The following PDE3A variants were observed in gnomAD, a reference collection of about 807,000 sequenced individuals.
The protein encoded by PDE3A is cGMP-inhibited 3',5'-cyclic phosphodiesterase 3A.
A neutral mutation model predicts 98.3 loss-of-function variants in PDE3A; 43 were observed. The observed-to-expected ratio is 0.44, with a 90% CI of 0.34 to 0.56. The LOEUF (loss-of-function observed/expected upper bound fraction) is 0.56. Among genes scored for constraint, PDE3A ranks in the 20% least tolerant of loss-of-function variants. The probability of loss-of-function intolerance (pLI) is 0.01; values close to 1 mark genes in which losing one functional copy is unlikely to be tolerated. For missense variants in PDE3A, 1,427 were observed against 1,440.7 expected (o/e 0.99, Z 0.15); for synonymous variants, 663 against 567.9 (o/e 1.17, Z -2.38).
At chr12:20,647,508 A>G (rs1944804570) in intron 12 of PDE3A, among the ~76,000 whole-genome samples, 1 of 152,130 alleles carries the variant, frequency 6.6e-6, no homozygotes, top group Non-Finnish European at 1.5e-5. Flanking sequence ...TCTAAGTAAA[A>G]AATTCATCAC....
intron 1 of PDE3A, among the ~76,000 whole-genome samples, chr12:20,430,549 TG>T (rs1944678453): frequency 6.6e-6 from 1 of 152,172 alleles, no homozygotes. Context: ...TTAATTGTTT[TG>T]GGGGCAGGGT....
At chr12:20,655,998 T>C (rs925868459) in intron 15 of PDE3A, among the ~76,000 whole-genome samples, 38 of 152,226 alleles carry the variant, frequency 2.5e-4, no homozygotes, top group Non-Finnish European at 3.2e-4. Flanking sequence ...GAAATCATTT[T>C]TATTTATGCC....
chr12:20,644,872 C>T (rs1944737564), intron 10 of PDE3A, among the ~76,000 whole-genome samples: 1 of 140,686 alleles, frequency 7.1e-6, no homozygotes, highest in African/African-American at 2.7e-5. Context: ...CCCTCTTCCC[C>T]CTCTTCCTCT....
chr12:20,443,264 A>G lies in PDE3A; in HGVS notation c.960+73020A>G, dbSNP rs1944899680. ...TAAATGTTTAGTGAGAGGAAATCTT[A>G]CTCTGTCCTATCTATGGATATTGAT... is the stretch of plus-strand genomic sequence containing the variant. On this transcript the variant is annotated intron_variant, in intron 1 of 15. Coordinates refer to ENST00000359062, the MANE Select transcript of PDE3A (RefSeq NM_000921.5). 3.3e-5 allele frequency among the ~76,000 whole-genome samples: 5 copies of G among 152,098 alleles called. 1 individual carries two copies. Among genetic ancestry groups the G allele is most frequent in the Admixed American group, 2.0e-4 (3 of 15,266 alleles).
At chr12:20,464,116 T>C (rs1945300193) in intron 1 of PDE3A, among the ~76,000 whole-genome samples, 1 of 152,172 alleles carries the variant, frequency 6.6e-6, no homozygotes, top group African/African-American at 2.4e-5. Flanking sequence ...ATTCTGCACT[T>C]GCCACTAGAT....
At chr12:20,675,849 A>G (rs1043570527) in intron 15 of PDE3A, among the ~76,000 whole-genome samples, 44 of 152,018 alleles carry the variant, frequency 2.9e-4, no homozygotes, top group Admixed American at 2.6e-3. Context: ...TGTCTTTTCT[A>G]TCTTTTACTT....
chr12:20,443,765 T>C (rs1306757098), intron 1 of PDE3A, among the ~76,000 whole-genome samples: 1 of 152,174 alleles, frequency 6.6e-6, no homozygotes, highest in Admixed American at 6.5e-5. Flanking sequence ...AAAAGAGAAA[T>C]AGGTATTATT....
chr12:20,454,436 C>T (rs557537686), intron 1 of PDE3A, among the ~76,000 whole-genome samples: 6 of 152,148 alleles, frequency 3.9e-5, no homozygotes, highest in South Asian at 4.1e-4. Flanking sequence ...TTAACTAGAA[C>T]GTAAGCTCAG....
intron 1 of PDE3A, among the ~76,000 whole-genome samples, chr12:20,428,552 A>G (rs1944640780): frequency 6.6e-6 from 1 of 152,232 alleles, no homozygotes; most frequent in Admixed American, 6.5e-5. Flanking sequence ...AAGTGCTGGG[A>G]TTACAGGAAT....
chr12:20,440,663 G>A (rs951034926), intron 1 of PDE3A, among the ~76,000 whole-genome samples: 1 of 152,128 alleles, frequency 6.6e-6, no homozygotes, highest in African/African-American at 2.4e-5. Flanking sequence ...ACTTGGTGGT[G>A]GAGTCTGAGG....
intron 1 of PDE3A, among the ~76,000 whole-genome samples, chr12:20,413,185 G>A (rs1260426735): frequency 6.6e-5 from 10 of 152,176 alleles, no homozygotes; most frequent in African/African-American, 2.2e-4. Context: ...TATGGGACCA[G>A]TGAAAACCTT....
At chr12:20,615,101 A>C (rs540163225) in intron 3 of PDE3A, among the ~76,000 whole-genome samples, 1 of 125,804 alleles carries the variant, frequency 7.9e-6, no homozygotes, top group Non-Finnish European at 1.5e-5. Flanking sequence ...CGCTCACTGC[A>C]TGTTGGCCAG....
At chr12:20,616,618 A>C (rs542109671) in intron 4 of PDE3A, among the ~76,000 whole-genome samples, 64 of 152,164 alleles carry the variant, frequency 4.2e-4, no homozygotes, top group African/African-American at 1.5e-3. Context: ...ACTTGATGTG[A>C]TCTCTGCCAT....
At chr12:20,509,477 A>G (rs1007813736) in intron 1 of PDE3A, among the ~76,000 whole-genome samples, 1 of 152,012 alleles carries the variant, frequency 6.6e-6, no homozygotes, top group Non-Finnish European at 1.5e-5. Flanking sequence ...TTGTCCAGTG[A>G]GATCTATTTA....
At chr12:20,376,351 G>T (rs1003282840) in intron 1 of PDE3A, among the ~76,000 whole-genome samples, 4 of 151,904 alleles carry the variant, frequency 2.6e-5, no homozygotes, top group African/African-American at 9.7e-5. Context: ...GGAAACAGTA[G>T]GAAAGGAGTC....
intron 1 of PDE3A, among the ~76,000 whole-genome samples, chr12:20,463,438 T>C (rs1400992055): frequency 6.6e-6 from 1 of 152,202 alleles, no homozygotes; most frequent in Non-Finnish European, 1.5e-5. Context: ...TTTTTAAAAC[T>C]CAACATAATT....
At chr12:20,496,567 A>C (rs1945923280) in intron 1 of PDE3A, among the ~76,000 whole-genome samples, 1 of 147,362 alleles carries the variant, frequency 6.8e-6, no homozygotes, top group Non-Finnish European at 1.5e-5. Context: ...CTGCTACCTC[A>C]TGGGCCAAAT....
In PDE3A at chr12:20,658,543, C is replaced by T. The variant is rs370216299; in HGVS notation, c.3184+4338C>T. Among the ~76,000 whole-genome samples, 23 of 152,250 alleles carry T rather than the reference C, an allele frequency of 1.5e-4. 1 individual carries two copies. The East Asian group carries it at 4.3e-3, about 28-fold the overall frequency. On this transcript the variant is annotated intron_variant, in intron 15 of 15. Coordinates refer to ENST00000359062, the MANE Select transcript of PDE3A (RefSeq NM_000921.5). ...GGAGACAGATTGAACTCTGTTGAAG[C>T]AAAAGGTGGGAGAATTGTTCAATGC...
rs905274454 is a variant in PDE3A, at chr12:20,635,007, G to C, written c.1952G>C (p.Arg651Thr). Residue 651 changes from arginine to threonine, a missense_variant, in exon 8 of 16, where the codon AGG becomes ACG. Arg to Thr is a moderately conservative substitution (Grantham distance 71). Transcript: ENST00000359062. The stretch of plus-strand genomic sequence containing the variant: ...ACAGAGTGCCTGAGAGAGCCTCTGA[G>C]GAAAGCATCGGCTTGCAGCACCTAT... ...DETECLREPL[R>T]KASACSTYAP... 1.9e-6 allele frequency: 3 copies of C among 1,613,610 alleles called. No homozygotes were observed. In the African/African-American group the frequency reaches 4.0e-5, roughly 22 times the overall value.
Sources: allele counts gnomAD v4.1 joint callset (sites outside exome capture counted in the v4.1 genomes callset), GRCh38; gene constraint gnomAD v4.1.1; transcripts MANE v1.5; gene names NCBI Gene and HGNC (gene_info 2026-07-23, HGNC 2026-07-21).